The following STK33 variants were observed in gnomAD, a reference collection of about 807,000 sequenced individuals.
STK33 encodes the protein serine/threonine-protein kinase 33.
STK33 carries 52 observed loss-of-function variants against 58.0 expected under a neutral mutation model. That is an observed-to-expected ratio of 0.90 (90% CI 0.72 to 1.13). The LOEUF (loss-of-function observed/expected upper bound fraction) is 1.13, where lower values mean the gene tolerates loss of function less well. STK33 is among the 50% of genes most tolerant of loss of function. The pLI is 0.00. For synonymous variants in STK33, 215 were observed against 200.1 expected, an observed-to-expected ratio of 1.07 and a Z score of -0.63; for missense variants, 630 against 604.2, an observed-to-expected ratio of 1.04 and a Z score of -0.45.
At chr11:8,404,769 T>A (rs1188528741) in intron 15 of STK33, among the ~76,000 whole-genome samples, 1 of 152,176 alleles carries the variant, frequency 6.6e-6, no homozygotes, top group Non-Finnish European at 1.5e-5. Flanking sequence ...TATACATAAA[T>A]CCGCTACAAA....
intron 1 of STK33, among the ~76,000 whole-genome samples, chr11:8,520,395 T>C (rs1318162678): frequency 2.6e-5 from 4 of 152,120 alleles, no homozygotes; most frequent in African/African-American, 9.7e-5. Context: ...TCATACTGAA[T>C]GGGCAAAAAC....
intron 7 of STK33, 34 bp from the exon 8 acceptor site, chr11:8,461,943 T>C: frequency 6.7e-7 from 1 of 1,491,494 alleles, no homozygotes; most frequent in Non-Finnish European, 9.1e-7. Flanking sequence ...TTTCACATAA[T>C]GAAAATCACT....
At chr11:8,482,014 C>CTAAGACCAAAAAGAT (rs1949846412) in intron 1 of STK33, among the ~76,000 whole-genome samples, 1 of 152,102 alleles carries the variant, frequency 6.6e-6, no homozygotes, top group African/African-American at 2.4e-5. Flanking sequence ...TAAATCATAG[C>CTAAGACCAAAAAGAT]TAAGACCAAA....
the STK33 span, among the ~76,000 whole-genome samples, chr11:8,355,920 A>G: frequency 6.6e-6 from 1 of 152,164 alleles, no homozygotes; most frequent in African/African-American, 2.4e-5. Context: ...AGCCACATGG[A>G]GAAGGAGTGC....
At chr11:8,534,956 C>T (rs1344670226) in intron 1 of STK33, among the ~76,000 whole-genome samples, 1 of 151,940 alleles carries the variant, frequency 6.6e-6, no homozygotes, top group Non-Finnish European at 1.5e-5. Flanking sequence ...TAAAATATTC[C>T]CCTGGGATGA....
At chr11:8,446,121 G>A (rs537854293) in intron 11 of STK33, among the ~76,000 whole-genome samples, 1 of 152,070 alleles carries the variant, frequency 6.6e-6, no homozygotes, top group African/African-American at 2.4e-5. Context: ...GTGTATGTGT[G>A]CAGAAATTTA....
intron 12 of STK33, among the ~76,000 whole-genome samples, chr11:8,439,680 GAATCATTA>G (rs1944475314): frequency 6.6e-6 from 1 of 151,398 alleles, no homozygotes; most frequent in Admixed American, 6.6e-5. Context: ...ATGTGACCTG[GAATCATTA>G]TAGCACAGTG....
intron 14 of STK33, among the ~76,000 whole-genome samples, chr11:8,435,005 G>A (rs1271054537): frequency 6.6e-6 from 1 of 152,120 alleles, no homozygotes; most frequent in African/African-American, 2.4e-5. Flanking sequence ...AAGACACAAG[G>A]TCTGTGCTTG....
intron 12 of STK33, among the ~76,000 whole-genome samples, chr11:8,438,706 A>G (rs1231747181): frequency 6.6e-6 from 1 of 152,184 alleles, no homozygotes; most frequent in Non-Finnish European, 1.5e-5. Flanking sequence ...TCAAACTAAG[A>G]AGGCAGCAAA....
At chr11:8,381,962 C>T in the STK33 span, among the ~76,000 whole-genome samples, 1 of 152,122 alleles carries the variant, frequency 6.6e-6, no homozygotes, top group Non-Finnish European at 1.5e-5. Flanking sequence ...AGGGCCAGAG[C>T]AATCTCTGCT....
chr11:8,494,722 G>A (rs1044649650), intron 1 of STK33, among the ~76,000 whole-genome samples: 1 of 152,144 alleles, frequency 6.6e-6, no homozygotes, highest in Non-Finnish European at 1.5e-5. Context: ...AACCAAAACA[G>A]CCTGGTACTG....
At chr11:8,445,457 C>CAA (rs1295768107) in intron 11 of STK33, among the ~76,000 whole-genome samples, 3 of 152,152 alleles carry the variant, frequency 2.0e-5, no homozygotes, top group Non-Finnish European at 4.4e-5. Flanking sequence ...TCTCTTCTGC[C>CAA]AGTTTTCAAA....
chr11:8,561,206 T>G (rs1957089462), intron 1 of STK33, among the ~76,000 whole-genome samples: 1 of 152,214 alleles, frequency 6.6e-6, no homozygotes, highest in Non-Finnish European at 1.5e-5. Context: ...TGATTAATTT[T>G]ACTCATGAGG....
chr11:8,383,889 A>T, the STK33 span, among the ~76,000 whole-genome samples: 1 of 152,154 alleles, frequency 6.6e-6, no homozygotes, highest in Non-Finnish European at 1.5e-5. Context: ...CAGTTTCGCT[A>T]TTAACTCTGG....
the STK33 span, among the ~76,000 whole-genome samples, chr11:8,383,109 C>A: frequency 6.6e-6 from 1 of 152,158 alleles, no homozygotes; most frequent in Non-Finnish European, 1.5e-5. Context: ...GTTCCGAGGA[C>A]TGGGGGTGAC....
intron 1 of STK33, among the ~76,000 whole-genome samples, chr11:8,548,316 T>C (rs1252795325): frequency 6.6e-6 from 1 of 152,236 alleles, no homozygotes; most frequent in South Asian, 2.1e-4. Context: ...AGTTTCATTC[T>C]TCTGCATATG....
the STK33 span, among the ~76,000 whole-genome samples, chr11:8,373,227 C>A: frequency 6.6e-6 from 1 of 151,710 alleles, no homozygotes; most frequent in East Asian, 1.9e-4. Flanking sequence ...AGCTCAGAAC[C>A]CACATGTTTC....
intron 5 of STK33, among the ~76,000 whole-genome samples, chr11:8,473,662 A>G (rs1443947722): frequency 1.3e-5 from 2 of 152,340 alleles, no homozygotes; most frequent in East Asian, 1.9e-4. Context: ...CCACTCAAAA[A>G]TATGCTTTGA....
At chr11:8,375,014 G>A in the STK33 span, among the ~76,000 whole-genome samples, 1 of 152,312 alleles carries the variant, frequency 6.6e-6, no homozygotes, top group East Asian at 1.9e-4. Flanking sequence ...CCATCTTGTA[G>A]CACAGACTAA....
Sources: allele counts gnomAD v4.1 joint callset (sites outside exome capture counted in the v4.1 genomes callset), GRCh38; gene constraint gnomAD v4.1.1; transcripts MANE v1.5; gene names NCBI Gene and HGNC (gene_info 2026-07-23, HGNC 2026-07-21).